The following STPG2 variants were observed in gnomAD, a reference collection of about 807,000 sequenced individuals.
The protein encoded by STPG2 is sperm tail PG-rich repeat containing 2, also known as sperm-tail PG-rich repeat-containing protein 2.
Under a neutral mutation model 54.2 loss-of-function variants are expected in STPG2, and 56 were observed. That is an observed-to-expected ratio of 1.03 (90% CI 0.83 to 1.29). The LOEUF (loss-of-function observed/expected upper bound fraction) is 1.29, where lower values mean the gene tolerates loss of function less well. Ranked by LOEUF, STPG2 falls within the 50% of genes most tolerant of loss-of-function variation. The pLI is 0.00. For missense variants in STPG2, 596 were observed against 544.9 expected (o/e 1.09, Z -0.93); for synonymous variants, 200 against 181.8 (o/e 1.10, Z -0.81).
chr4:97,975,592 G>A (rs549261380), intron 6 of STPG2, among the ~76,000 whole-genome samples: 3 of 152,202 alleles, frequency 2.0e-5, no homozygotes, highest in Admixed American at 6.5e-5. Flanking sequence ...ATTTGAGTAT[G>A]TTGTTTAAAA....
intron 7 of STPG2, among the ~76,000 whole-genome samples, chr4:97,963,414 T>G (rs1168510962): frequency 6.6e-6 from 1 of 152,118 alleles, no homozygotes; most frequent in Non-Finnish European, 1.5e-5. Context: ...CCCACTGCTT[T>G]GGGAGGCAGA....
chr4:97,861,922 G>A (rs1729560296), intron 8 of STPG2, among the ~76,000 whole-genome samples: 1 of 152,048 alleles, frequency 6.6e-6, no homozygotes, highest in Admixed American at 6.6e-5. Flanking sequence ...CCTGAAGGAA[G>A]CACTAAACAT....
chr4:97,663,170 G>C (rs1722424416), intron 10 of STPG2, among the ~76,000 whole-genome samples: 1 of 152,058 alleles, frequency 6.6e-6, no homozygotes, highest in South Asian at 2.1e-4. Flanking sequence ...AACTGAAAAA[G>C]TTGGTGAAGT....
intron 5 of STPG2, among the ~76,000 whole-genome samples, chr4:98,096,568 T>C (rs1214755795): frequency 1.3e-5 from 2 of 151,532 alleles, no homozygotes; most frequent in East Asian, 3.9e-4. Flanking sequence ...AGAACTAAAA[T>C]GGCAAGAGCA....
At chr4:97,581,723 G>C (rs1217915391) in intron 10 of STPG2, among the ~76,000 whole-genome samples, 1 of 152,046 alleles carries the variant, frequency 6.6e-6, no homozygotes, top group East Asian at 1.9e-4. Context: ...TGTATGCTCT[G>C]AAACCAGATC....
At chr4:97,625,392 C>T (rs1194428769) in intron 10 of STPG2, among the ~76,000 whole-genome samples, 4 of 152,134 alleles carry the variant, frequency 2.6e-5, no homozygotes, top group South Asian at 2.1e-4. Context: ...CCCATGCAAC[C>T]TCTGCTTCCT....
chr4:97,781,443 C>T (rs1482391627), intron 9 of STPG2, among the ~76,000 whole-genome samples: 1 of 152,092 alleles, frequency 6.6e-6, no homozygotes, highest in Non-Finnish European at 1.5e-5. Flanking sequence ...TAATTAATAG[C>T]CTACCAACCA....
intron 8 of STPG2, among the ~76,000 whole-genome samples, chr4:97,924,528 T>C (rs1181020928): frequency 6.6e-6 from 1 of 152,216 alleles, no homozygotes; most frequent in Non-Finnish European, 1.5e-5. Flanking sequence ...GACTCATATT[T>C]CTACATGTAA....
chr4:97,801,638 C>T (rs901376492), intron 9 of STPG2, among the ~76,000 whole-genome samples: 23 of 152,186 alleles, frequency 1.5e-4, no homozygotes, highest in African/African-American at 5.1e-4. Context: ...ATATTAAAAC[C>T]CTTTAAAAAA....
intron 5 of STPG2, among the ~76,000 whole-genome samples, chr4:98,076,457 C>T (rs1172924300): frequency 1.3e-5 from 2 of 152,176 alleles, no homozygotes; most frequent in South Asian, 2.1e-4. Flanking sequence ...TCCACATAAA[C>T]ATTTGATGGA....
At chr4:97,519,162 G>A (rs1220418703) in intron 4 of STPG2, among the ~76,000 whole-genome samples, 1 of 152,068 alleles carries the variant, frequency 6.6e-6, no homozygotes, top group Non-Finnish European at 1.5e-5. Flanking sequence ...GATGGGAGAA[G>A]TAATTAAAAA....
intron 9 of STPG2, among the ~76,000 whole-genome samples, chr4:97,743,646 C>A (rs1461750160): frequency 6.6e-6 from 1 of 151,196 alleles, no homozygotes; most frequent in Non-Finnish European, 1.5e-5. Flanking sequence ...AGAGGGGATA[C>A]AAAGAGGAAA....
chr4:97,590,171 T>C (rs2148897488), intron 10 of STPG2, among the ~76,000 whole-genome samples: 1 of 152,216 alleles, frequency 6.6e-6, no homozygotes, highest in African/African-American at 2.4e-5. Flanking sequence ...TAGAAAACAT[T>C]CTCATATAAT....
chr4:97,695,405 T>C (rs1434648477), intron 10 of STPG2, among the ~76,000 whole-genome samples: 1 of 152,142 alleles, frequency 6.6e-6, no homozygotes, highest in Non-Finnish European at 1.5e-5. Flanking sequence ...TGGGGAAAAG[T>C]TGAAAGCATT....
intron 10 of STPG2, among the ~76,000 whole-genome samples, chr4:97,650,014 A>ATCAT (rs1196302856): frequency 4.6e-5 from 7 of 152,138 alleles, no homozygotes; most frequent in Admixed American, 4.6e-4. Flanking sequence ...ACAGTGACAG[A>ATCAT]TCATTAGGCA....
At chr4:97,552,610 A>G (rs190733118) in intron 4 of STPG2, among the ~76,000 whole-genome samples, 162 of 152,300 alleles carry the variant, frequency 1.1e-3, no homozygotes, top group South Asian at 3.5e-3. Flanking sequence ...TGAATTGAAT[A>G]TATATGCTAG....
chr4:97,509,028 T>C (rs1005711531), intron 4 of STPG2, among the ~76,000 whole-genome samples: 1 of 152,124 alleles, frequency 6.6e-6, no homozygotes, highest in Non-Finnish European at 1.5e-5. Flanking sequence ...TTGTTGTGTA[T>C]TTGAGTTCTT....
In STPG2 at chr4:97,494,738, T is replaced by G. The variant is rs542315738; in HGVS notation, c.462+217961A>C. Among the ~76,000 whole-genome samples the G allele has an allele frequency of 6.0e-3, 904 of 150,594 alleles. 10 individuals carry two copies. Among genetic ancestry groups the G allele is most frequent in the Non-Finnish European group, 9.9e-3 (668 of 67,408 alleles). On this transcript the variant is annotated intron_variant, in intron 4 of 4. Coordinates refer to the STPG2 transcript ENST00000522676. ...GGAAGGAGTAAGGATTTTTTTTTTG[T>G]GGGACATATTTGAATATTTATGACC... is the stretch of plus-strand genomic sequence containing the variant.
chr4:97,718,583 G>A (rs1267156914), intron 9 of STPG2, among the ~76,000 whole-genome samples: 2 of 151,868 alleles, frequency 1.3e-5, no homozygotes, highest in Non-Finnish European at 2.9e-5. Flanking sequence ...TGAAATGAAT[G>A]ATACAATACT....
Sources: allele counts gnomAD v4.1 joint callset (sites outside exome capture counted in the v4.1 genomes callset), GRCh38; gene constraint gnomAD v4.1.1; transcripts MANE v1.5; gene names NCBI Gene and HGNC (gene_info 2026-07-23, HGNC 2026-07-21).